Variants in RBMS2 observed in about 807,000 individuals in gnomAD.
RBMS2 encodes the protein RNA binding motif single stranded interacting protein 2, also known as RNA-binding motif, single-stranded-interacting protein 2.
RBMS2 carries 38 observed loss-of-function variants against 58.4 expected under a neutral mutation model. The ratio of observed to expected loss-of-function variants is 0.65; its 90% CI spans 0.50 to 0.85. The LOEUF is 0.85. Among genes scored for constraint, RBMS2 ranks in the 40% least tolerant of loss-of-function variants. RBMS2 has a pLI of 0.00. For missense variants in RBMS2, 367 were observed against 503.7 expected (o/e 0.73, Z 2.60); for synonymous variants, 151 against 180.7 (o/e 0.84, Z 1.32).
intron 1 of RBMS2, among the ~76,000 whole-genome samples, chr12:56,533,321 C>G (rs919501621): frequency 6.6e-6 from 1 of 151,310 alleles, no homozygotes; most frequent in Non-Finnish European, 1.5e-5. Context: ...AAGATGGTCT[C>G]GAACTCCTGA....
chr12:56,522,460 A>G (rs1871884603), intron 1 of RBMS2, among the ~76,000 whole-genome samples: 2 of 151,984 alleles, frequency 1.3e-5, no homozygotes, highest in Non-Finnish European at 2.9e-5. Context: ...AGATTATTTT[A>G]TTTTTTGATT....
intron 1 of RBMS2, among the ~76,000 whole-genome samples, chr12:56,547,710 A>G (rs1418210075): frequency 6.8e-6 from 1 of 147,218 alleles, no homozygotes; most frequent in Non-Finnish European, 1.5e-5. Flanking sequence ...GTGCAATGGC[A>G]TGACCTCAGC....
chr12:56,526,275 G>A (rs577264517), intron 1 of RBMS2, among the ~76,000 whole-genome samples: 4 of 151,950 alleles, frequency 2.6e-5, no homozygotes, highest in Non-Finnish European at 5.9e-5. Flanking sequence ...CCACTGCACT[G>A]CAGCCTGGGC....
chr12:56,527,337 C>T (rs1280838745), intron 1 of RBMS2, among the ~76,000 whole-genome samples: 5 of 152,082 alleles, frequency 3.3e-5, no homozygotes, highest in East Asian at 1.9e-4. Flanking sequence ...GTAGGCCGGG[C>T]GCAGTGGCTC....
chr12:56,587,655 C>T lies in RBMS2; in HGVS notation c.1053C>T (p.Ser351=). Residue 351 remains serine, a synonymous_variant, in exon 11 of 14, where the codon AGC becomes AGT. Coordinates refer to ENST00000262031, the MANE Select transcript of RBMS2 (RefSeq NM_002898.4). ...AACTGGGCCATCTCTCCCTCAGCAG[C>T]ACAGGCACGGTAAAGCAGGATATTT... The part of the protein sequence containing the change: ...TQQLGHLSLS[S]TGTYMPTAAA... 9 of 1,613,120 alleles carry T rather than the reference C, an allele frequency of 5.6e-6. No homozygotes were observed. Among genetic ancestry groups the T allele is most frequent in the Non-Finnish European group, 7.6e-6 (9 of 1,179,124 alleles).
intron 1 of RBMS2, among the ~76,000 whole-genome samples, chr12:56,530,861 G>A (rs1315739484): frequency 1.3e-5 from 2 of 152,108 alleles, no homozygotes; most frequent in East Asian, 3.9e-4. Context: ...CGTTTCATTT[G>A]TTTACTTCAC....
intron 7 of RBMS2, 86 bp downstream of exon 7, chr12:56,581,594 T>C: frequency 7.2e-7 from 1 of 1,390,188 alleles, no homozygotes; most frequent in Non-Finnish European, 1.0e-6. Context: ...TGAGCTTAGG[T>C]GGAAAGCTTG....
At chr12:56,570,950 T>C (rs1401484600) in intron 4 of RBMS2, among the ~76,000 whole-genome samples, 1 of 152,138 alleles carries the variant, frequency 6.6e-6, no homozygotes, top group Non-Finnish European at 1.5e-5. Context: ...AGACACCTTT[T>C]CTGTAATGGT....
intron 5 of RBMS2, among the ~76,000 whole-genome samples, chr12:56,577,035 CAAAAA>C (rs60298708): frequency 3.1e-4 from 20 of 63,622 alleles, no homozygotes; most frequent in African/African-American, 9.5e-4. Context: ...AGTGAGATTC[CAAAAA>C]AAAAAAAAAA....
chr12:56,581,576 G>T, intron 7 of RBMS2, 68 bp downstream of exon 7: 2 of 1,476,332 alleles, frequency 1.4e-6, no homozygotes, highest in Middle Eastern at 1.7e-4. Context: ...ATCATGGCAT[G>T]ATTTCTGTGA....
At chr12:56,535,104 C>G (rs1455833210) in intron 1 of RBMS2, among the ~76,000 whole-genome samples, 1 of 152,094 alleles carries the variant, frequency 6.6e-6, no homozygotes, top group Non-Finnish European at 1.5e-5. Context: ...GGTTCCTTTC[C>G]TGGTTTCTCC....
At chr12:56,539,158 C>G (rs562179078) in intron 1 of RBMS2, among the ~76,000 whole-genome samples, 4 of 151,822 alleles carry the variant, frequency 2.6e-5, no homozygotes, top group Admixed American at 2.0e-4. Context: ...TGGGATTACA[C>G]GTGCACACCA....
intron 7 of RBMS2, 64 bp downstream of exon 7, chr12:56,581,572 GC>G: frequency 6.7e-7 from 1 of 1,494,338 alleles, no homozygotes; most frequent in East Asian, 2.3e-5. Flanking sequence ...AATGATCATG[GC>G]ATGATTTCTG....
At chr12:56,588,909 C>G (rs925581907) in intron 12 of RBMS2, 23 bp from the exon 13 acceptor site, 4 of 1,612,530 alleles carry the variant, frequency 2.5e-6, no homozygotes, top group Non-Finnish European at 3.4e-6. Context: ...GCAAGATGAC[C>G]CCCCTCCTTG....
intron 1 of RBMS2, among the ~76,000 whole-genome samples, chr12:56,560,603 C>T (rs751434971): frequency 6.6e-6 from 1 of 151,934 alleles, no homozygotes; most frequent in Non-Finnish European, 1.5e-5. Context: ...TTATATTGCC[C>T]AGGCTGGTCT....
rs945851645 is a variant in RBMS2 at position 56,594,999 on chromosome 12, T to A, written c.*5866T>A. On this transcript the variant is annotated 3_prime_UTR_variant, in exon 14 of 14. Coordinates refer to ENST00000262031, the MANE Select transcript of RBMS2 (RefSeq NM_002898.4). ...CAGTGTTTTCTCTGGGATTTTTAGC[T>A]CACTGATCGCCCTAGAATAGTGTGA... The A allele has an allele frequency of 6.6e-6, 1 of 152,238 alleles. No individual in the cohort carries two copies. The highest frequency in any genetic ancestry group is 1.5e-5 in the Non-Finnish European group (1 of 68,050). 9.4% of individuals were successfully genotyped at this position (152,238 alleles called of 1,614,324 possible).
intron 5 of RBMS2, 31 bp from the exon 6 acceptor site, chr12:56,581,153 G>A: frequency 6.6e-7 from 1 of 1,522,660 alleles, no homozygotes; most frequent in African/African-American, 1.4e-5. Flanking sequence ...TCCTGGAGAA[G>A]CTAGAGCCTA....
rs1874406273 is a variant in RBMS2, at chr12:56,534,651, T to A, written c.66+12562T>A. Reference sequence around the variant, plus strand: ...ATTAAGTAAATGTTTATTTATTTATTTATTTTTTATGATGGAGGCTCGCTC... The same window carrying A: ...ATTAAGTAAATGTTTATTTATTTATATATTTTTTATGATGGAGGCTCGCTC... On this transcript the variant is annotated intron_variant, in intron 1 of 13. Coordinates refer to ENST00000262031, the MANE Select transcript of RBMS2 (RefSeq NM_002898.4). Among the ~76,000 whole-genome samples the A allele has an allele frequency of 5.3e-5, 8 of 152,264 alleles. No individual in the cohort carries two copies. The South Asian group carries it at 1.7e-3, about 32-fold the overall frequency.
At chr12:56,521,502 G>GTTTTTTGTTTTTTTTTTTTTTT (rs1555185431), upstream of RBMS2, among the ~76,000 whole-genome samples, 1 of 73,168 alleles carries the variant, frequency 1.4e-5, no homozygotes, top group African/African-American at 5.5e-5. Context: ...CTCTAACTCT[G>GTTTTTTGTTTTTTTTTTTTTTT]TTTTTTTTTT....
Sources: allele counts gnomAD v4.1 joint callset (sites outside exome capture counted in the v4.1 genomes callset), GRCh38; gene constraint gnomAD v4.1.1; transcripts MANE v1.5; gene names NCBI Gene and HGNC (gene_info 2026-07-23, HGNC 2026-07-21).